The following EYS variants were observed in gnomAD, a reference collection of about 807,000 sequenced individuals.
EYS encodes protein eyes shut homolog.
Under a neutral mutation model 282.1 loss-of-function variants are expected in EYS, and 250 were observed. The ratio of observed to expected loss-of-function variants is 0.89; its 90% confidence interval spans 0.80 to 0.98. The LOEUF is 0.98. Among genes scored for constraint, EYS ranks in the 50% least tolerant of loss-of-function variants. The pLI, the probability that EYS is intolerant of heterozygous loss-of-function variation, is 0.00. For missense variants in EYS, 4,016 were observed against 3,709.0 expected, an observed-to-expected ratio of 1.08 and a Z score of -2.15; for synonymous variants, 1,355 against 1,282.9, an observed-to-expected ratio of 1.06 and a Z score of -1.20.
At position 63,994,849 on chromosome 6, in the gene EYS, C is replaced by T. The variant is rs1767763417; in HGVS notation, c.6834+4226G>A. ...GAAAATTGAAAAAATTAAATTGGAT[C>T]TTTGTCTTACACTATACATAAAAAT... On this transcript the variant is annotated intron_variant, in intron 34 of 42. Coordinates refer to ENST00000503581, the MANE Select transcript of EYS (RefSeq NM_001142800.2). Among the ~76,000 whole-genome samples the T allele has an allele frequency of 3.3e-5, 5 of 151,844 alleles. No homozygotes were observed. In the South Asian group the frequency reaches 1.0e-3, roughly 31 times the overall value.
chr6:65,544,464 T>C (rs1345308435), intron 2 of EYS, among the ~76,000 whole-genome samples: 4 of 152,128 alleles, frequency 2.6e-5, no homozygotes, highest in Non-Finnish European at 5.9e-5. Context: ...GTTTTCATGA[T>C]ACTGGGTGAG....
intron 31 of EYS, among the ~76,000 whole-genome samples, chr6:64,136,608 T>A (rs1031129795): frequency 6.6e-6 from 1 of 152,044 alleles, no homozygotes; most frequent in Non-Finnish European, 1.5e-5. Flanking sequence ...TGAAAAAAAA[T>A]TAATCAACTT....
chr6:64,456,430 T>C (rs939395389), intron 26 of EYS, among the ~76,000 whole-genome samples: 5 of 152,024 alleles, frequency 3.3e-5, no homozygotes, highest in African/African-American at 9.7e-5. Flanking sequence ...TTTTAGCTAG[T>C]CCTCTTGAGT....
intron 12 of EYS, among the ~76,000 whole-genome samples, chr6:65,084,344 G>T (rs1398120501): frequency 6.6e-6 from 1 of 152,030 alleles, no homozygotes; most frequent in Non-Finnish European, 1.5e-5. Flanking sequence ...TAGAAAATCA[G>T]TAGAAAATAT....
chr6:64,227,045 C>A (rs1766271197), intron 31 of EYS, among the ~76,000 whole-genome samples: 1 of 152,126 alleles, frequency 6.6e-6, no homozygotes, highest in Non-Finnish European at 1.5e-5. Context: ...AAATCAGTTT[C>A]CAACATATCT....
chr6:64,351,801 T>C (rs1771650587), intron 29 of EYS, among the ~76,000 whole-genome samples: 1 of 151,520 alleles, frequency 6.6e-6, no homozygotes, highest in South Asian at 2.1e-4. Flanking sequence ...CCACACTCTA[T>C]TAAAATGGGC....
chr6:64,010,981 A>G (rs190777358), intron 33 of EYS, among the ~76,000 whole-genome samples: 107 of 152,014 alleles, frequency 7.0e-4, no homozygotes, highest in African/African-American at 2.5e-3. Flanking sequence ...ATATATTTAT[A>G]TTCCCTTATA....
chr6:64,003,124 G>C (rs1259753322), intron 33 of EYS, among the ~76,000 whole-genome samples: 1 of 152,146 alleles, frequency 6.6e-6, no homozygotes, highest in African/African-American at 2.4e-5. Context: ...GTACTGTTCA[G>C]CCATAAAATA....
At chr6:64,476,525 T>C (rs567939150) in intron 26 of EYS, among the ~76,000 whole-genome samples, 3 of 152,106 alleles carry the variant, frequency 2.0e-5, no homozygotes, top group South Asian at 4.2e-4. Flanking sequence ...GTGAAAAAAA[T>C]ATAGAAAATA....
intron 26 of EYS, among the ~76,000 whole-genome samples, chr6:64,463,485 C>T (rs929282433): frequency 1.3e-5 from 2 of 152,152 alleles, no homozygotes; most frequent in African/African-American, 2.4e-5. Flanking sequence ...TCCTTACATT[C>T]TAGAATTGCC....
intron 19 of EYS, among the ~76,000 whole-genome samples, chr6:64,842,774 T>G (rs186015377): frequency 1.3e-4 from 20 of 151,980 alleles, no homozygotes; most frequent in Middle Eastern, 3.4e-3. Context: ...TGGAAGAAAA[T>G]TCTAAGCAGC....
chr6:65,518,564 T>C lies in EYS; in HGVS notation c.-332-22571A>G, dbSNP rs1767227682. ...TAAGATTTATTTTATTTATTTTCTTTAGGTCATGCAAAATTGTGGTATCAT... is the reference window on the plus strand; with the variant it reads ...TAAGATTTATTTTATTTATTTTCTTCAGGTCATGCAAAATTGTGGTATCAT... On this transcript the variant is annotated intron_variant, in intron 2 of 42. Coordinates refer to ENST00000503581, the MANE Select transcript of EYS (RefSeq NM_001142800.2). Among the ~76,000 whole-genome samples, 5 of 152,294 alleles carry C rather than the reference T, an allele frequency of 3.3e-5. No individual in the cohort carries two copies. The South Asian group carries it at 1.0e-3, about 32-fold the overall frequency.
intron 26 of EYS, among the ~76,000 whole-genome samples, chr6:64,469,302 G>A (rs1033130610): frequency 3.3e-5 from 5 of 152,076 alleles, no homozygotes; most frequent in East Asian, 1.9e-4. Context: ...CCCAGGTGCC[G>A]AGGCAGGAGA....
At chr6:65,250,170 A>T (rs1562049730) in intron 12 of EYS, among the ~76,000 whole-genome samples, 1 of 152,058 alleles carries the variant, frequency 6.6e-6, no homozygotes, top group Non-Finnish European at 1.5e-5. Context: ...GGATGATGAT[A>T]CCATAGTTGC....
intron 5 of EYS, among the ~76,000 whole-genome samples, chr6:65,433,849 G>A (rs1052452429): frequency 7.2e-5 from 11 of 151,990 alleles, no homozygotes; most frequent in African/African-American, 2.7e-4. Flanking sequence ...TTGGCCCAGA[G>A]GAAAAATTAA....
At chr6:65,664,375 G>C (rs1043924171) in intron 1 of EYS, among the ~76,000 whole-genome samples, 6 of 151,866 alleles carry the variant, frequency 4.0e-5, no homozygotes, top group African/African-American at 1.5e-4. Flanking sequence ...GTAAAGAAAA[G>C]AAGAACATCA....
At chr6:63,895,517 G>C (rs1182784939) in intron 35 of EYS, among the ~76,000 whole-genome samples, 1 of 152,176 alleles carries the variant, frequency 6.6e-6, no homozygotes, top group Non-Finnish European at 1.5e-5. Context: ...TGGTCAACCT[G>C]TGCTAGCCAT....
At chr6:64,368,704 C>T (rs1403043426) in intron 29 of EYS, among the ~76,000 whole-genome samples, 1 of 152,052 alleles carries the variant, frequency 6.6e-6, no homozygotes, top group Non-Finnish European at 1.5e-5. Context: ...ACATGTGTGT[C>T]TTCTTTTGAA....
At chr6:64,176,289 A>T (rs1205796655) in intron 31 of EYS, among the ~76,000 whole-genome samples, 2 of 152,156 alleles carry the variant, frequency 1.3e-5, no homozygotes, top group African/African-American at 4.8e-5. Flanking sequence ...AGCATTATAC[A>T]AATTATATAT....
Sources: allele counts gnomAD v4.1 joint callset (sites outside exome capture counted in the v4.1 genomes callset), GRCh38; gene constraint gnomAD v4.1.1; transcripts MANE v1.5; gene names NCBI Gene and HGNC (gene_info 2026-07-23, HGNC 2026-07-21).